The following AP2M1 variants were observed in gnomAD, a reference collection of about 807,000 sequenced individuals.
The protein encoded by AP2M1 is adaptor related protein complex 2 subunit mu 1.
In AP2M1, 5 loss-of-function variants were observed where a neutral mutation model predicts 54.5. That is an observed-to-expected ratio of 0.09 (90% CI 0.05 to 0.19). AP2M1 has a LOEUF of 0.19. Ranked by LOEUF, AP2M1 falls within the 10% of genes least tolerant of loss-of-function variation. The pLI is 1.00. For missense variants in AP2M1, 178 were observed against 580.2 expected (o/e 0.31, Z 7.12); for synonymous variants, 186 against 208.2 (o/e 0.89, Z 0.92).
intron 1 of AP2M1, among the ~76,000 whole-genome samples, chr3:184,175,349 T>A (rs1400819455): frequency 6.6e-6 from 1 of 151,166 alleles, no homozygotes. Context: ...CCGTGACAGG[T>A]CTCACGCCAT....
rs892087535 is a variant in AP2M1, at chr3:184,178,511, G to C, written c.75-346G>C. On this transcript the variant is annotated intron_variant, in intron 2 of 11. Coordinates refer to ENST00000292807, the MANE Select transcript of AP2M1 (RefSeq NM_004068.4). This position sits in a 1 kb window ranked among gnomAD's most constrained non-coding sequence, Gnocchi z 4.9. ...TCTGTCCTGGACCTGGGAGCTTACA[G>C]GGAAGCTAGATAAAGCTGGGAAATT... Among the ~76,000 whole-genome samples the C allele has an allele frequency of 1.3e-5, 2 of 152,266 alleles. No individual in the cohort carries two copies. Among genetic ancestry groups the C allele is most frequent in the Non-Finnish European group, 2.9e-5 (2 of 68,050 alleles).
Position 184,174,936 on chromosome 3 carries a change from A to C in AP2M1, c.-67A>C. The C allele has an allele frequency of 2.5e-6, 1 of 398,580 alleles. No individual in the cohort carries two copies. Among genetic ancestry groups the C allele is most frequent in the Non-Finnish European group, 4.4e-6 (1 of 226,032 alleles). The allele number at this position is 398,580 out of a possible 1,614,324, so 24.7% of individuals were successfully genotyped here. On this transcript the variant is annotated 5_prime_UTR_variant, in exon 1 of 12. Transcript: ENST00000292807. ...GGATCCGGAGAGTGGCCGGGCCGGCAGAGCAGGGGGCCGAGGACACCAGGT... is the reference window on the plus strand; with the variant it reads ...GGATCCGGAGAGTGGCCGGGCCGGCCGAGCAGGGGGCCGAGGACACCAGGT...
In AP2M1 at chr3:184,183,656, C is replaced by G; in HGVS notation, c.*40C>G. 2 of 1,607,048 alleles carry G rather than the reference C, an allele frequency of 1.2e-6. No homozygotes were observed. Among genetic ancestry groups the G allele is most frequent in the Non-Finnish European group, 1.7e-6 (2 of 1,177,158 alleles). Reference sequence around the variant, plus strand: ...CTAGCCCACCTCCCCAGCCACCCTCCTCCACAGGTCCAGGTGCCGCTCCCT... The same window carrying G: ...CTAGCCCACCTCCCCAGCCACCCTCGTCCACAGGTCCAGGTGCCGCTCCCT... On this transcript the variant is annotated 3_prime_UTR_variant, in exon 12 of 12. Transcript: ENST00000292807. This position sits in a 1 kb window ranked among gnomAD's most constrained non-coding sequence, Gnocchi z 5.7.
Position 184,178,177 on chromosome 3 carries a change from C to T in AP2M1, c.75-680C>T, listed in dbSNP as rs544736308. ...CGTTGCTATCACTCTCCTCTTCTTG[C>T]TGGCGTCATTTCTCTCATCCCATCT... is the stretch of plus-strand genomic sequence containing the variant. On this transcript the variant is annotated intron_variant, in intron 2 of 11. Coordinates refer to ENST00000292807, the MANE Select transcript of AP2M1 (RefSeq NM_004068.4). The surrounding 1 kb of genome is among the most constrained non-coding windows in gnomAD (Gnocchi z 4.9). The T allele has an allele frequency of 2.0e-6, 3 of 1,533,926 alleles. No individual in the cohort carries two copies. Among genetic ancestry groups the T allele is most frequent in the African/African-American group, 1.4e-5 (1 of 73,116 alleles).
chr3:184,183,700 GTC>G lies in AP2M1; in HGVS notation c.*87_*88del. On this transcript the variant is annotated 3_prime_UTR_variant, in exon 12 of 12. Coordinates refer to ENST00000292807, the MANE Select transcript of AP2M1 (RefSeq NM_004068.4). This position sits in a 1 kb window ranked among gnomAD's most constrained non-coding sequence, Gnocchi z 5.7. ...GCTCCCTCCCCCACCACACATCAGT[GTC>G]TCCTCCCTCCTGCTTTGCTGCCTTC... 6.8e-7 allele frequency: 1 copy of G among 1,470,478 alleles called. No individual in the cohort carries two copies. Among genetic ancestry groups the G allele is most frequent in the Non-Finnish European group, 9.3e-7 (1 of 1,071,608 alleles). The allele number at this position is 1,470,478 out of a possible 1,614,324, so 91.1% of individuals were successfully genotyped here.
rs1715045286 is a variant in AP2M1, at chr3:184,175,627, T to G, written c.-44+668T>G. On this transcript the variant is annotated intron_variant, in intron 1 of 11. Transcript: ENST00000292807. ...ATACTGGAAACCCTTACCTTTACGT[T>G]CACTCCACCAGCCCAGTTTGCTGCT... 2.6e-5 allele frequency among the ~76,000 whole-genome samples: 4 copies of G among 152,278 alleles called. No homozygotes were observed. The South Asian group carries it at 8.3e-4, about 32-fold the overall frequency.
In AP2M1 at chr3:184,179,662, CT is replaced by C. The variant is rs368749437; in HGVS notation, c.341-491del. On this transcript the variant is annotated intron_variant, in intron 3 of 11. Coordinates refer to ENST00000292807, the MANE Select transcript of AP2M1 (RefSeq NM_004068.4). ...TGTGACTCTTCTATTGATTTCTTTT[CT>C]TTTTTTTTTTTTTTTGAGACAGGGT... 3.0e-3 allele frequency among the ~76,000 whole-genome samples: 408 copies of C among 135,044 alleles called. 1 individual carries two copies. Among genetic ancestry groups the C allele is most frequent in the Admixed American group, 7.6e-3 (103 of 13,514 alleles). 88.6% of individuals were successfully genotyped at this position (135,044 alleles called of 152,430 possible).
rs761537049 is a variant in AP2M1 at position 184,177,502 on chromosome 3, C to A, written c.74+435C>A. 693 of 1,515,352 alleles carry A rather than the reference C, an allele frequency of 4.6e-4. 2 individuals are homozygous for A. Among genetic ancestry groups the A allele is most frequent in the Middle Eastern group, 4.2e-3 (25 of 5,944 alleles). 93.9% of individuals were successfully genotyped at this position (1,515,352 alleles called of 1,614,324 possible). On this transcript the variant is annotated intron_variant, in intron 2 of 11. Coordinates refer to ENST00000292807, the MANE Select transcript of AP2M1 (RefSeq NM_004068.4). ...CGCCTTCACTGGATTCTGTTGAAAG[C>A]CCCTCCAGGCTGCCCAATCCTCTCC...
intron 1 of AP2M1, among the ~76,000 whole-genome samples, chr3:184,175,402 T>C (rs1715035920): frequency 6.6e-6 from 1 of 151,902 alleles, no homozygotes; most frequent in Non-Finnish European, 1.5e-5. Context: ...CCGCGGCTCT[T>C]CTTCCTTAGA....
chr3:184,180,620 A>G lies in AP2M1; in HGVS notation c.424-25A>G, dbSNP rs754803972. ...GCCTCCCTTGCTGCTTCATGTGGGC[A>G]CCTCGTTGGCCCTGCGGCCTCCAGC... On this transcript the variant is annotated intron_variant, in intron 4 of 11. Transcript: ENST00000292807. The surrounding 1 kb of genome is among the most constrained non-coding windows in gnomAD (Gnocchi z 4.9). 24 of 1,613,522 alleles carry G rather than the reference A, an allele frequency of 1.5e-5. No homozygotes were observed. The South Asian group carries it at 2.4e-4, about 16-fold the overall frequency.
intron 2 of AP2M1, chr3:184,177,850 A>G (rs1715127412): frequency 1.7e-6 from 1 of 593,630 alleles, no homozygotes; most frequent in South Asian, 2.1e-5. Flanking sequence ...AGAGCTTGAG[A>G]TAAAGTCACA....
intron 1 of AP2M1, 47 bp from the exon 2 acceptor site, chr3:184,176,904 G>T (rs1334818891): frequency 1.5e-6 from 2 of 1,353,388 alleles, no homozygotes; most frequent in African/African-American, 1.4e-5. Flanking sequence ...AGGGGATGTT[G>T]GCAGCGATTC....
Position 184,180,300 on chromosome 3 carries a change from C to T in AP2M1, c.423+49C>T, listed in dbSNP as rs774621565. On this transcript the variant is annotated intron_variant, in intron 4 of 11. Coordinates refer to ENST00000292807, the MANE Select transcript of AP2M1 (RefSeq NM_004068.4). This position sits in a 1 kb window ranked among gnomAD's most constrained non-coding sequence, Gnocchi z 4.9. ...GTCAGGGTGGAGTCCAATCTCCCTT[C>T]ATCTCAGCTGGCCCCTGAGCCTTGT... is the stretch of plus-strand genomic sequence containing the variant. The T allele has an allele frequency of 1.9e-6, 3 of 1,594,362 alleles. No individual in the cohort carries two copies. The highest frequency in any genetic ancestry group is 2.2e-5 in the South Asian group (2 of 90,026).
Position 184,178,717 on chromosome 3 carries a change from TTTAGGCA to T in AP2M1, c.75-137_75-131del. 1.8e-6 allele frequency: 2 copies of T among 1,101,420 alleles called. No individual in the cohort carries two copies. Among genetic ancestry groups the T allele is most frequent in the South Asian group, 3.2e-5 (2 of 61,988 alleles). The allele number at this position is 1,101,420 out of a possible 1,614,324, so 68.2% of individuals were successfully genotyped here. ...CATAAGAAGGGAACCACTCCAGTGGTTTAGGCATTGGCTTTCTTTGGAGTGTGTGTGT... is the reference window on the plus strand; with the variant it reads ...CATAAGAAGGGAACCACTCCAGTGGTTTGGCTTTCTTTGGAGTGTGTGTGT... On this transcript the variant is annotated intron_variant, in intron 2 of 11. Transcript: ENST00000292807. The surrounding 1 kb of genome is among the most constrained non-coding windows in gnomAD (Gnocchi z 4.9).
In AP2M1 at chr3:184,179,662, C is replaced by CTTTT. The variant is rs368749437; in HGVS notation, c.341-494_341-491dup. Among the ~76,000 whole-genome samples the CTTTT allele has an allele frequency of 3.1e-4, 42 of 135,082 alleles. 1 individual carries two copies. Among genetic ancestry groups the CTTTT allele is most frequent in the Middle Eastern group, 3.7e-3 (1 of 270 alleles). 88.6% of individuals were successfully genotyped at this position (135,082 alleles called of 152,430 possible). ...TGTGACTCTTCTATTGATTTCTTTTCTTTTTTTTTTTTTTTTGAGACAGGG... is the reference window on the plus strand; with the variant it reads ...TGTGACTCTTCTATTGATTTCTTTTCTTTTTTTTTTTTTTTTTTTTGAGACAGGG... On this transcript the variant is annotated intron_variant, in intron 3 of 11. Transcript: ENST00000292807.
rs1236031438 is a variant in AP2M1, at chr3:184,181,520, G to C, written c.708-176G>C. On this transcript the variant is annotated intron_variant, in intron 7 of 11. Transcript: ENST00000292807. This position sits in a 1 kb window ranked among gnomAD's most constrained non-coding sequence, Gnocchi z 5.7. ...GTCCCTAGCAGAAGGAGCCCCAAGA[G>C]ATGAGCTTGCAAGGCTTCCCTCTCA... 3.2e-6 allele frequency: 3 copies of C among 943,928 alleles called. No individual in the cohort carries two copies. The Admixed American group carries it at 7.9e-5, about 25-fold the overall frequency. 58.5% of individuals were successfully genotyped at this position (943,928 alleles called of 1,614,324 possible). A position where few individuals can be genotyped will look rare whatever the true frequency, so the allele number is the denominator to read the frequency against.
intron 3 of AP2M1, among the ~76,000 whole-genome samples, chr3:184,179,654 T>C (rs1024999467): frequency 1.7e-5 from 2 of 120,164 alleles, no homozygotes; most frequent in African/African-American, 7.0e-5. Context: ...CTTCTATTGA[T>C]TTCTTTTCTT....
rs929246153 is a variant in AP2M1, at chr3:184,178,690, G to C, written c.75-167G>C. Among the ~76,000 whole-genome samples the C allele has an allele frequency of 2.0e-5, 3 of 152,238 alleles. No individual in the cohort carries two copies. The highest frequency in any genetic ancestry group is 7.2e-5 in the African/African-American group (3 of 41,460). On this transcript the variant is annotated intron_variant, in intron 2 of 11. Transcript: ENST00000292807. The surrounding 1 kb of genome is among the most constrained non-coding windows in gnomAD (Gnocchi z 4.9). Reference sequence around the variant, plus strand: ...CACTCTTCCCATGCCTCCACAGGGAGTCATAAGAAGGGAACCACTCCAGTG... The same window carrying C: ...CACTCTTCCCATGCCTCCACAGGGACTCATAAGAAGGGAACCACTCCAGTG...
chr3:184,182,295 A>G lies in AP2M1; in HGVS notation c.1061+47A>G, dbSNP rs1347030602. On this transcript the variant is annotated intron_variant, in intron 10 of 11. Coordinates refer to ENST00000292807, the MANE Select transcript of AP2M1 (RefSeq NM_004068.4). The surrounding 1 kb of genome is among the most constrained non-coding windows in gnomAD (Gnocchi z 5.5). ...CCACAGCAGGGCTCAAGATCCCAGT[A>G]TACCCTCTTGTTTTCAGCTTTGATC... 17 of 1,583,888 alleles carry G rather than the reference A, an allele frequency of 1.1e-5. No homozygotes were observed. Among genetic ancestry groups the G allele is most frequent in the Non-Finnish European group, 1.5e-5 (17 of 1,161,280 alleles).
Sources: allele counts gnomAD v4.1 joint callset (sites outside exome capture counted in the v4.1 genomes callset), GRCh38; gene constraint gnomAD v4.1.1; non-coding constraint Gnocchi (gnomAD v3.1); transcripts MANE v1.5; gene names NCBI Gene and HGNC (gene_info 2026-07-23, HGNC 2026-07-21).